Variants in KCNV2 observed in about 807,000 individuals in gnomAD.
KCNV2 encodes potassium voltage-gated channel modifier subfamily V member 2.
Under a neutral mutation model 37.0 loss-of-function variants are expected in KCNV2, and 65 were observed. That is an observed-to-expected ratio of 1.76 (90% CI 1.44 to 2.16). The LOEUF (loss-of-function observed/expected upper bound fraction) is 2.16, where lower values mean the gene tolerates loss of function less well. KCNV2 is among the 30% of genes most tolerant of loss of function. The probability of loss-of-function intolerance (pLI) is 0.00; values close to 1 mark genes in which losing one functional copy is unlikely to be tolerated. For synonymous variants in KCNV2, 518 were observed against 328.6 expected (o/e 1.58, Z -6.23); for missense variants, 1,232 against 766.7 (o/e 1.61, Z -7.17).
intron 1 of KCNV2, among the ~76,000 whole-genome samples, chr9:2,727,252 G>T (rs538788196): frequency 2.6e-5 from 4 of 151,134 alleles, no homozygotes; most frequent in African/African-American, 7.3e-5. Flanking sequence ...CCCGGACACA[G>T]GAAGGGGAAC....
chr9:2,727,409 T>C (rs1369363938), intron 1 of KCNV2, among the ~76,000 whole-genome samples: 3 of 152,088 alleles, frequency 2.0e-5, no homozygotes, highest in Non-Finnish European at 4.4e-5. Context: ...GTTGTGCACA[T>C]GTACCCTAGA....
rs746076092 is a variant in KCNV2 at position 2,718,040 on chromosome 9, G to A, written c.301G>A (p.Val101Met). The A allele has an allele frequency of 6.2e-7, 1 of 1,610,542 alleles. No individual in the cohort carries two copies. Among genetic ancestry groups the A allele is most frequent in the Non-Finnish European group, 8.5e-7 (1 of 1,178,188 alleles). ...TCCGGCCCTGCTGTCCACGCTGAATGTGAACGTGGGTGGCCACAGCTACCA... is the reference window on the plus strand; with the variant it reads ...TCCGGCCCTGCTGTCCACGCTGAATATGAACGTGGGTGGCCACAGCTACCA... ...DPPALLSTLNVNVGGHSYQLD... is the reference protein window; with the variant it reads ...DPPALLSTLNMNVGGHSYQLD... Residue 101 changes from valine (V) to methionine (M), a missense_variant, in exon 1 of 2, where the codon GTG becomes ATG. Coordinates refer to ENST00000382082, the MANE Select transcript of KCNV2 (RefSeq NM_133497.4).
At position 2,717,965 on chromosome 9, in the gene KCNV2, C is replaced by T. The variant is rs387907302; in HGVS notation, c.226C>T (p.Gln76Ter). 6.2e-7 allele frequency: 1 copy of T among 1,614,154 alleles called. No homozygotes were observed. Among genetic ancestry groups the T allele is most frequent in the South Asian group, 1.1e-5 (1 of 91,082 alleles). ...GAAGGACGACCTGGCAGAAGAGGAC[C>T]AGCAGGCAGGGGAGGTCACCACCGC... is the stretch of plus-strand genomic sequence containing the variant. ...QWKDDLAEED[Q>*]QAGEVTTAKP... is the part of the protein sequence containing the mutation. Residue 76 changes from glutamine (Q) to a stop codon, truncating the protein, a stop_gained, in exon 1 of 2, where the codon CAG becomes TAG. Coordinates refer to ENST00000382082, the MANE Select transcript of KCNV2 (RefSeq NM_133497.4). LOFTEE classifies it high-confidence loss of function.
At position 2,718,889 on chromosome 9, in the gene KCNV2, A is replaced by C; in HGVS notation, c.1150A>C (p.Ile384Leu). Residue 384 changes from isoleucine to leucine, a missense_variant, in exon 1 of 2, where the codon ATC becomes CTC. Coordinates refer to ENST00000382082, the MANE Select transcript of KCNV2 (RefSeq NM_133497.4). ...GTTGCGCGTCATGCGCCTCATGCGC[A>C]TCTTCCGCATCCTCAAGCTGGCGCG... ...QVLRVMRLMR[I>L]FRILKLARHS... 2 of 1,608,370 alleles carry C rather than the reference A, an allele frequency of 1.2e-6. No individual in the cohort carries two copies. The highest frequency in any genetic ancestry group is 2.2e-5 in the South Asian group (2 of 91,078).
Position 2,718,439 on chromosome 9 carries a change from C to T in KCNV2, c.700C>T (p.Arg234Cys), listed in dbSNP as rs769985957. The T allele has an allele frequency of 6.8e-6, 11 of 1,606,470 alleles. No individual in the cohort carries two copies. Among genetic ancestry groups the T allele is most frequent in the African/African-American group, 4.0e-5 (3 of 74,880 alleles). ...GGTCGAGGAGGCGGAGGAACTCTTC[C>T]GCGACATGCGCTTCTACGGCCCGCA... ...AQVEEAEELF[R>C]DMRFYGPQRR... is the part of the protein sequence containing the mutation. The change falls in exon 1 of 2, where the codon CGC becomes TGC. Residue 234 changes from arginine (R) to cysteine (C), a missense_variant. Arg to Cys is a radical substitution (Grantham distance 180). Coordinates refer to ENST00000382082, the MANE Select transcript of KCNV2 (RefSeq NM_133497.4).
intron 1 of KCNV2, among the ~76,000 whole-genome samples, chr9:2,728,775 T>G (rs891941429): frequency 6.6e-6 from 1 of 152,100 alleles, no homozygotes; most frequent in African/African-American, 2.4e-5. Flanking sequence ...ATGGAGGAGT[T>G]TCATGCCTTT....
Position 2,718,693 on chromosome 9 carries a change from G to A in KCNV2, c.954G>A (p.Leu318=), listed in dbSNP as rs768011155. 1.2e-6 allele frequency: 2 copies of A among 1,613,210 alleles called. No individual in the cohort carries two copies. The highest frequency in any genetic ancestry group is 1.7e-6 in the Non-Finnish European group (2 of 1,179,856). Residue 318 remains leucine (L), a synonymous_variant, in exon 1 of 2, where the codon CTG becomes CTA. Coordinates refer to ENST00000382082, the MANE Select transcript of KCNV2 (RefSeq NM_133497.4). ...LCMGFFTLEY[L]LRLASTPDLR... Reference sequence around the variant, plus strand: ...TGGGCTTCTTCACGCTCGAGTACCTGCTGCGCCTAGCCTCCACGCCCGACC... The same window carrying A: ...TGGGCTTCTTCACGCTCGAGTACCTACTGCGCCTAGCCTCCACGCCCGACC...
chr9:2,722,827 G>C (rs10967730), intron 1 of KCNV2, among the ~76,000 whole-genome samples: 4 of 152,278 alleles, frequency 2.6e-5, no homozygotes, highest in African/African-American at 7.2e-5. Flanking sequence ...CTGGCATGAA[G>C]GGAGAGACTA....
At chr9:2,719,143 G>A (rs374028926) in intron 1 of KCNV2, 48 bp downstream of exon 1, 484 of 1,593,884 alleles carry the variant, frequency 3.0e-4, no homozygotes, top group Non-Finnish European at 3.7e-4. Flanking sequence ...CCAGCCCAGT[G>A]AGCTGCTCCT....
chr9:2,728,332 C>T (rs772299006), intron 1 of KCNV2, among the ~76,000 whole-genome samples: 7 of 152,116 alleles, frequency 4.6e-5, no homozygotes, highest in Admixed American at 2.0e-4. Context: ...AGTAGTGCAA[C>T]GCAAAAATGT....
chr9:2,726,887 T>C (rs149371714), intron 1 of KCNV2, among the ~76,000 whole-genome samples: 56 of 152,200 alleles, frequency 3.7e-4, no homozygotes, highest in African/African-American at 1.3e-3. Flanking sequence ...GGGATCTAGG[T>C]TGCTTGCTCC....
chr9:2,729,790 A>C lies in KCNV2; in HGVS notation c.*63A>C. 8 of 1,534,616 alleles carry C rather than the reference A, an allele frequency of 5.2e-6. No homozygotes were observed. Among genetic ancestry groups the C allele is most frequent in the Non-Finnish European group, 7.2e-6 (8 of 1,108,828 alleles). On this transcript the variant is annotated 3_prime_UTR_variant, in exon 2 of 2. Transcript: ENST00000382082. Reference sequence around the variant, plus strand: ...TTCAAGGCTTCATTGCTCTTTTTTTAATCATTATGATTGGCAGCAAAAGGA... The same window carrying C: ...TTCAAGGCTTCATTGCTCTTTTTTTCATCATTATGATTGGCAGCAAAAGGA...
At chr9:2,721,682 T>C (rs1563797427) in intron 1 of KCNV2, among the ~76,000 whole-genome samples, 2 of 152,188 alleles carry the variant, frequency 1.3e-5, no homozygotes, top group African/African-American at 2.4e-5. Context: ...TCAAGTTTTT[T>C]CTCTTCTGGA....
chr9:2,723,950 T>C (rs1436583591), intron 1 of KCNV2, among the ~76,000 whole-genome samples: 6 of 136,768 alleles, frequency 4.4e-5, no homozygotes, highest in African/African-American at 2.2e-4. Flanking sequence ...GTGGGTATGG[T>C]TTTTTTCTTT....
chr9:2,727,499 C>T (rs903672654), intron 1 of KCNV2, among the ~76,000 whole-genome samples: 12 of 152,136 alleles, frequency 7.9e-5, no homozygotes, highest in African/African-American at 2.7e-4. Flanking sequence ...TTTATCACTG[C>T]CTCACATCAC....
intron 1 of KCNV2, among the ~76,000 whole-genome samples, chr9:2,725,567 T>G (rs932652096): frequency 6.6e-6 from 1 of 152,210 alleles, no homozygotes; most frequent in African/African-American, 2.4e-5. Context: ...CCAAATATAC[T>G]TGTTGCAATA....
rs786205121 is a variant in KCNV2, at chr9:2,717,744, TCAAA to T, written c.8_11del (p.Lys3ArgfsTer96). ...AGGCGTCCACTTTCCGCAGCCATGC[TCAAA>T]CAGAGTGAGAGGAGACGGTCCTGGA... On this transcript the variant is annotated frameshift_variant, in exon 1 of 2. Transcript: ENST00000382082. LOFTEE classifies it high-confidence loss of function. 4.2e-5 allele frequency: 68 copies of T among 1,614,008 alleles called. No individual in the cohort carries two copies. The highest frequency in any genetic ancestry group is 1.3e-4 in the Admixed American group (8 of 60,004).
In KCNV2 at chr9:2,729,956, T is replaced by C. The variant is rs1057063752; in HGVS notation, c.*229T>C. 1.3e-5 allele frequency: 7 copies of C among 539,814 alleles called. No homozygotes were observed. Among genetic ancestry groups the C allele is most frequent in the Non-Finnish European group, 2.0e-5 (6 of 303,784 alleles). The allele number at this position is 539,814 out of a possible 1,614,324, so 33.4% of individuals were successfully genotyped here. ...CTGACCTTCTCAATGACGTTGATATTGAAAACCTGAGGGGAGCAACAGCTT... is the reference window on the plus strand; with the variant it reads ...CTGACCTTCTCAATGACGTTGATATCGAAAACCTGAGGGGAGCAACAGCTT... On this transcript the variant is annotated 3_prime_UTR_variant, in exon 2 of 2. Transcript: ENST00000382082.
intron 1 of KCNV2, among the ~76,000 whole-genome samples, chr9:2,724,179 A>T (rs1371047358): frequency 1.3e-5 from 2 of 151,880 alleles, no homozygotes; most frequent in Non-Finnish European, 2.9e-5. Flanking sequence ...TCAAAAACTA[A>T]CTTCTCAAAA....
Sources: gnomAD v4.1 joint callset for allele counts (sites outside exome capture counted in the v4.1 genomes callset) on GRCh38, gnomAD v4.1.1 for gene constraint, MANE v1.5 for transcripts, NCBI Gene and HGNC (gene_info 2026-07-23, HGNC 2026-07-21) for gene names.